TMEM117: variants seen among roughly 807,000 people sequenced by gnomAD.
The protein encoded by TMEM117 is transmembrane protein 117.
Under a neutral mutation model 52.4 loss-of-function variants are expected in TMEM117, and 27 were observed. The ratio of observed to expected loss-of-function variants is 0.51; its 90% CI spans 0.38 to 0.71. The LOEUF (loss-of-function observed/expected upper bound fraction) is 0.71. Among genes scored for constraint, TMEM117 ranks in the 30% least tolerant of loss-of-function variants. The pLI is 0.00. For synonymous variants in TMEM117, 215 were observed against 206.3 expected, an observed-to-expected ratio of 1.04 and a Z score of -0.36; for missense variants, 556 against 630.5, an observed-to-expected ratio of 0.88 and a Z score of 1.26.
At chr12:44,362,409 G>A (rs530976651) in intron 6 of TMEM117, among the ~76,000 whole-genome samples, 1 of 152,212 alleles carries the variant, frequency 6.6e-6, no homozygotes, top group Non-Finnish European at 1.5e-5. Context: ...TTCTGTGTAT[G>A]TAGTTATGCC....
At chr12:44,367,778 C>A (rs1050691419) in intron 6 of TMEM117, among the ~76,000 whole-genome samples, 4 of 152,102 alleles carry the variant, frequency 2.6e-5, no homozygotes, top group African/African-American at 9.7e-5. Flanking sequence ...CTATTTTCTG[C>A]AAGTGTATTG....
intron 3 of TMEM117, among the ~76,000 whole-genome samples, chr12:43,977,008 T>C (rs1489861208): frequency 1.3e-5 from 2 of 152,188 alleles, no homozygotes; most frequent in African/African-American, 4.8e-5. Context: ...TTAACCCCTT[T>C]CAGCTAAGCA....
rs532447425 is a variant in TMEM117 at position 43,979,074 on chromosome 12, A to G, written c.410+34732A>G. 2.0e-5 allele frequency among the ~76,000 whole-genome samples: 3 copies of G among 151,998 alleles called. No homozygotes were observed. In the South Asian group the frequency reaches 6.2e-4, roughly 32 times the overall value. ...TGTATTGCCTTTTGGGATAGAAAAC[A>G]GGTTTTGTAACTTATCAGTAGTTAT... On this transcript the variant is annotated intron_variant, in intron 3 of 7. Coordinates refer to ENST00000266534, the MANE Select transcript of TMEM117 (RefSeq NM_032256.3).
intron 4 of TMEM117, among the ~76,000 whole-genome samples, chr12:44,210,209 T>C (rs1949626837): frequency 6.6e-6 from 1 of 152,124 alleles, no homozygotes; most frequent in Non-Finnish European, 1.5e-5. Flanking sequence ...TGGAATGGTG[T>C]TCTCTTCTCT....
At chr12:43,928,730 G>C (rs1187807910) in intron 2 of TMEM117, among the ~76,000 whole-genome samples, 2 of 142,622 alleles carry the variant, frequency 1.4e-5, no homozygotes, top group African/African-American at 5.2e-5. Context: ...ATCTCCCAAT[G>C]CTATCCCTCC....
At chr12:43,871,905 T>G (rs545078832) in intron 2 of TMEM117, among the ~76,000 whole-genome samples, 1 of 152,364 alleles carries the variant, frequency 6.6e-6, no homozygotes, top group South Asian at 2.1e-4. Flanking sequence ...ATCAGTTTTC[T>G]GGGTGCTCTC....
upstream of TMEM117, among the ~76,000 whole-genome samples, chr12:43,832,008 G>A (rs1395370520): frequency 6.6e-6 from 1 of 152,174 alleles, no homozygotes; most frequent in African/African-American, 2.4e-5. Context: ...TATTTCTATT[G>A]TTACCCTGAC....
chr12:44,130,854 A>C (rs1473453501), intron 3 of TMEM117, among the ~76,000 whole-genome samples: 1 of 152,048 alleles, frequency 6.6e-6, no homozygotes, highest in Admixed American at 6.5e-5. Flanking sequence ...ATCTCTGAAG[A>C]GTCTATAGCA....
chr12:43,945,946 T>A lies in TMEM117; in HGVS notation c.410+1604T>A, dbSNP rs574741850. Among the ~76,000 whole-genome samples the A allele has an allele frequency of 1.0e-3, 155 of 152,274 alleles. 1 individual carries two copies. The highest frequency in any genetic ancestry group is 3.3e-3 in the African/African-American group (136 of 41,552). On this transcript the variant is annotated intron_variant, in intron 3 of 7. Transcript: ENST00000266534. ...GTTTTTCCCTCACCACTAAAGGAGA[T>A]GAATAGCAAAGGGAAAAATACATTT... is the stretch of plus-strand genomic sequence containing the variant.
intron 3 of TMEM117, among the ~76,000 whole-genome samples, chr12:43,989,463 C>A (rs1945902682): frequency 2.0e-5 from 3 of 151,962 alleles, no homozygotes; most frequent in African/African-American, 4.8e-5. Flanking sequence ...AAACGGCAAT[C>A]TTATTCTACA....
intron 3 of TMEM117, among the ~76,000 whole-genome samples, chr12:44,036,059 CACTAA>C (rs1946705482): frequency 6.6e-6 from 1 of 152,006 alleles, no homozygotes; most frequent in Non-Finnish European, 1.5e-5. Flanking sequence ...AGTTTTGGGG[CACTAA>C]TAATATAAAG....
chr12:43,860,821 C>T (rs1008331701), intron 2 of TMEM117, among the ~76,000 whole-genome samples: 33 of 152,056 alleles, frequency 2.2e-4, no homozygotes, highest in African/African-American at 6.8e-4. Context: ...CATATAAATC[C>T]GTATAGCTTT....
chr12:43,976,786 T>C (rs1259248908), intron 3 of TMEM117, among the ~76,000 whole-genome samples: 1 of 152,200 alleles, frequency 6.6e-6, no homozygotes, highest in Non-Finnish European at 1.5e-5. Flanking sequence ...GTTTTGTTGA[T>C]TGAAGAGTAT....
chr12:44,159,042 A>T (rs1036586454), intron 4 of TMEM117, among the ~76,000 whole-genome samples: 2 of 152,116 alleles, frequency 1.3e-5, no homozygotes, highest in African/African-American at 4.8e-5. Context: ...GGAGGAAGAA[A>T]TCTGCAGAGA....
chr12:44,189,044 T>C (rs1000892594), intron 4 of TMEM117, among the ~76,000 whole-genome samples: 6 of 152,144 alleles, frequency 3.9e-5, no homozygotes, highest in African/African-American at 1.4e-4. Context: ...ACCTTAAATA[T>C]TTATCTTTTC....
intron 1 of TMEM117, among the ~76,000 whole-genome samples, chr12:43,840,205 A>T (rs942780657): frequency 6.6e-6 from 1 of 152,226 alleles, no homozygotes; most frequent in Non-Finnish European, 1.5e-5. Context: ...TTGGATTTAA[A>T]TTGTGGCTCT....
At chr12:44,039,592 A>C (rs1946765497) in intron 3 of TMEM117, among the ~76,000 whole-genome samples, 1 of 152,024 alleles carries the variant, frequency 6.6e-6, no homozygotes, top group Admixed American at 6.6e-5. Flanking sequence ...ATTTTATGAA[A>C]TGCAAAAGTA....
intron 3 of TMEM117, among the ~76,000 whole-genome samples, chr12:43,986,012 C>T (rs1269536735): frequency 2.0e-5 from 3 of 152,036 alleles, no homozygotes; most frequent in Admixed American, 2.0e-4. Flanking sequence ...TTTTTTTGGT[C>T]ACACATTTTA....
intron 3 of TMEM117, among the ~76,000 whole-genome samples, chr12:44,045,615 C>T (rs1026933774): frequency 1.3e-4 from 20 of 152,094 alleles, no homozygotes; most frequent in Admixed American, 6.5e-4. Flanking sequence ...AGGCTTGAGG[C>T]GGTTGGATCA....
Sources: allele counts gnomAD v4.1 joint callset (sites outside exome capture counted in the v4.1 genomes callset), GRCh38; gene constraint gnomAD v4.1.1; transcripts MANE v1.5; gene names NCBI Gene and HGNC (gene_info 2026-07-23, HGNC 2026-07-21).